OTOG: variants seen among roughly 807,000 people sequenced by gnomAD.
OTOG encodes the protein otogelin.
A neutral mutation model predicts 313.8 loss-of-function variants in OTOG; 296 were observed. The ratio of observed to expected loss-of-function variants is 0.94; its 90% CI spans 0.86 to 1.04. The LOEUF is 1.04. OTOG is among the 50% of genes least tolerant of loss of function. OTOG has a pLI of 0.00. For synonymous variants in OTOG, 1,533 were observed against 1,554.9 expected, an observed-to-expected ratio of 0.99 and a Z score of 0.33; for missense variants, 3,948 against 3,840.1, an observed-to-expected ratio of 1.03 and a Z score of -0.74.
Position 17,634,903 on chromosome 11 carries a change from C to T in OTOG, c.7540C>T (p.Leu2514Phe). Reference sequence around the variant, plus strand: ...CACATGCCGCCCAGGCCACCGCCTCCTCACCCACTTCCAGGAGGACTCCTG... The same window carrying T: ...CACATGCCGCCCAGGCCACCGCCTCTTCACCCACTTCCAGGAGGACTCCTG... Reference protein sequence around the residue: ...APTCRPGHRLLTHFQEDSCCP... With the variant: ...APTCRPGHRLFTHFQEDSCCP... Residue 2514 changes from leucine (L) to phenylalanine (F), a missense_variant, in exon 45 of 56, where the codon CTC becomes TTC. Physicochemically the swap from Leu to Phe is conservative, Grantham distance 22. Transcript: ENST00000399397. 1 of 1,549,218 alleles carries T rather than the reference C, an allele frequency of 6.5e-7. No homozygotes were observed. Among genetic ancestry groups the T allele is most frequent in the Non-Finnish European group, 8.7e-7 (1 of 1,146,750 alleles).
chr11:17,580,493 G>A (rs576038292), intron 23 of OTOG, among the ~76,000 whole-genome samples: 5 of 152,344 alleles, frequency 3.3e-5, no homozygotes, highest in African/African-American at 1.2e-4. Context: ...CAAATTGAAG[G>A]CACCTTGAGG....
intron 39 of OTOG, 96 bp from the exon 40 acceptor site, chr11:17,629,037 T>G: frequency 8.2e-7 from 1 of 1,222,566 alleles, no homozygotes; most frequent in Non-Finnish European, 1.1e-6. Flanking sequence ...GATGGGTGGA[T>G]GGATGGATGG....
At position 17,612,699 on chromosome 11, in the gene OTOG, C is replaced by T. The variant is rs1269382361; in HGVS notation, c.6372C>T (p.Tyr2124=). Residue 2124 remains tyrosine, a synonymous_variant, in exon 38 of 56, where the codon TAC becomes TAT. Transcript: ENST00000399397. ...SHVALFKEAI[Y]ILSQSPDEML... is the part of the protein sequence containing the mutation. ...TAGCTCTGTTCAAGGAGGCCATCTA[C>T]ATCCTCAGCCAGAGCCCAGATGAAA... is the stretch of plus-strand genomic sequence containing the variant. 4 of 1,550,498 alleles carry T rather than the reference C, an allele frequency of 2.6e-6. No individual in the cohort carries two copies. The African/African-American group carries it at 4.1e-5, about 16-fold the overall frequency.
Position 17,610,925 on chromosome 11 carries a change from C to T in OTOG, c.5625C>T (p.Gly1875=), listed in dbSNP as rs1269237529. Residue 1875 remains glycine (G), a synonymous_variant, in exon 36 of 56, where the codon GGC becomes GGT. Coordinates refer to ENST00000399397, the MANE Select transcript of OTOG (RefSeq NM_001292063.2). ...IAPPAAGTAP[G]LLLGATLPTS... Reference sequence around the variant, plus strand: ...CCCCAGCAGCAGGCACAGCTCCAGGCCTGCTGCTGGGAGCCACATTGCCAA... The same window carrying T: ...CCCCAGCAGCAGGCACAGCTCCAGGTCTGCTGCTGGGAGCCACATTGCCAA... 3.9e-6 allele frequency: 6 copies of T among 1,550,360 alleles called. 1 individual carries two copies. The South Asian group carries it at 5.9e-5, about 15-fold the overall frequency.
At chr11:17,623,241 C>T (rs576790897) in intron 39 of OTOG, among the ~76,000 whole-genome samples, 3 of 152,166 alleles carry the variant, frequency 2.0e-5, no homozygotes, top group Non-Finnish European at 4.4e-5. Flanking sequence ...ATTATTTTGT[C>T]ACCCAGGTAT....
At chr11:17,602,578 C>T (rs1008693035) in intron 32 of OTOG, among the ~76,000 whole-genome samples, 2 of 152,140 alleles carry the variant, frequency 1.3e-5, no homozygotes, top group Non-Finnish European at 2.9e-5. Flanking sequence ...CCCCTAACCG[C>T]CAGGGCAGCC....
In OTOG at chr11:17,573,235, C is replaced by T. The variant is rs775991894; in HGVS notation, c.2238C>T (p.His746=). ...CLCATLAHYA[H]LCRRHGLPVD... ...GCGCCACACTGGCCCACTACGCCCA[C>T]CTGTGCCGGCGCCATGGGCTCCCCG... The change falls in exon 19 of 56, where the codon CAC becomes CAT. Residue 746 remains histidine, a synonymous_variant. Coordinates refer to ENST00000399397, the MANE Select transcript of OTOG (RefSeq NM_001292063.2). 3.9e-6 allele frequency: 6 copies of T among 1,534,718 alleles called. No individual in the cohort carries two copies. The African/African-American group carries it at 5.5e-5, about 14-fold the overall frequency.
intron 39 of OTOG, among the ~76,000 whole-genome samples, chr11:17,622,448 T>A (rs575408838): frequency 1.5e-4 from 23 of 152,314 alleles, no homozygotes; most frequent in Admixed American, 3.9e-4. Context: ...CACCCTGTTG[T>A]GCTATCAAAC....
intron 2 of OTOG, 34 bp downstream of exon 2, chr11:17,548,021 C>T: frequency 4.8e-6 from 5 of 1,034,534 alleles, no homozygotes; most frequent in Non-Finnish European, 6.7e-6. Flanking sequence ...GCCCCACCCA[C>T]AGCTCCCATC....
intron 49 of OTOG, 134 bp downstream of exon 49, chr11:17,639,597 A>C: frequency 1.2e-6 from 1 of 866,048 alleles, no homozygotes; most frequent in Non-Finnish European, 1.8e-6. Context: ...TTCTTTTCCC[A>C]AGCTCTGCCA....
intron 39 of OTOG, among the ~76,000 whole-genome samples, chr11:17,620,214 C>A (rs1001441422): frequency 2.6e-5 from 4 of 152,182 alleles, no homozygotes; most frequent in African/African-American, 9.7e-5. Context: ...CCCCAAAAGG[C>A]AACCCCATAC....
At chr11:17,608,517 G>A in intron 34 of OTOG, 104 bp downstream of exon 34, 2 of 759,312 alleles carry the variant, frequency 2.6e-6, no homozygotes, top group Non-Finnish European at 4.0e-6. Context: ...TGAGTGTATG[G>A]GGATGTGTGT....
In OTOG at chr11:17,610,254, G is replaced by A. The variant is rs1394982390; in HGVS notation, c.4954G>A (p.Gly1652Arg). 6.5e-7 allele frequency: 1 copy of A among 1,550,360 alleles called. No homozygotes were observed. The highest frequency in any genetic ancestry group is 8.7e-7 in the Non-Finnish European group (1 of 1,146,946). ...SPSSRPVASP[G>R]AISRSPTSSG... ...CTCCTCCAGACCTGTGGCTTCCCCTGGAGCCATCTCCAGGTCCCCCACCTC... is the reference window on the plus strand; with the variant it reads ...CTCCTCCAGACCTGTGGCTTCCCCTAGAGCCATCTCCAGGTCCCCCACCTC... Residue 1652 changes from glycine to arginine, a missense_variant, in exon 36 of 56, where the codon GGA (glycine) becomes AGA (arginine). Gly to Arg is a moderately radical substitution (Grantham distance 125). Transcript: ENST00000399397.
rs773442273 is a variant in OTOG, at chr11:17,611,129, G to A, written c.5829G>A (p.Thr1943=). The A allele has an allele frequency of 2.3e-5, 35 of 1,550,406 alleles. No homozygotes were observed. Among genetic ancestry groups the A allele is most frequent in the Middle Eastern group, 1.7e-4 (1 of 6,014 alleles). ...CGCCTGCTACGAGCCACCCTCTCAC[G>A]CCCTTGGTGGCTGAGCCCGAGGGAG... The part of the protein sequence containing the change: ...ELTPATSHPL[T]PLVAEPEGAQ... The change falls in exon 36 of 56, where the codon ACG becomes ACA. Residue 1943 remains threonine (T), a synonymous_variant. Transcript: ENST00000399397.
chr11:17,593,764 C>T lies in OTOG; in HGVS notation c.3288+8C>T. The T allele has an allele frequency of 6.5e-7, 1 of 1,547,174 alleles. No individual in the cohort carries two copies. Among genetic ancestry groups the T allele is most frequent in the Non-Finnish European group, 8.7e-7 (1 of 1,145,848 alleles). ...GCTGGGCCTCAGTGGCAGGTACTTA[C>T]ATGAGCAGTGACATTCTGCTCCTGC... On this transcript the variant is annotated splice_region_variant and intron_variant, in intron 27 of 55. Transcript: ENST00000399397.
intron 42 of OTOG, among the ~76,000 whole-genome samples, chr11:17,632,697 C>A (rs561787163): frequency 3.4e-3 from 523 of 152,104 alleles, no homozygotes; most frequent in Non-Finnish European, 6.1e-3. Flanking sequence ...TTCCTTCCTG[C>A]AGGAAGGAAA....
intron 29 of OTOG, 74 bp downstream of exon 29, chr11:17,596,228 C>G: frequency 9.3e-7 from 1 of 1,075,904 alleles, no homozygotes; most frequent in South Asian, 1.4e-5. Flanking sequence ...CTCTCAGACT[C>G]CCCCATGTCT....
chr11:17,634,710 G>A (rs1459603128), intron 44 of OTOG, 134 bp from the exon 45 acceptor site: 16 of 693,294 alleles, frequency 2.3e-5, no homozygotes, highest in Non-Finnish European at 2.9e-5. Context: ...TCATCTAGGA[G>A]TATGGGTCCT....
chr11:17,585,883 A>G (rs1852782183), intron 23 of OTOG, among the ~76,000 whole-genome samples: 1 of 152,218 alleles, frequency 6.6e-6, no homozygotes, highest in Non-Finnish European at 1.5e-5. Flanking sequence ...TTTCAGGTAG[A>G]TCCTGGATTT....
Sources: gnomAD v4.1 joint callset for allele counts (sites outside exome capture counted in the v4.1 genomes callset) on GRCh38, gnomAD v4.1.1 for gene constraint, MANE v1.5 for transcripts, NCBI Gene and HGNC (gene_info 2026-07-23, HGNC 2026-07-21) for gene names.